DDX4: variants seen among roughly 807,000 people sequenced by gnomAD.
The protein encoded by DDX4 is probable ATP-dependent RNA helicase DDX4.
A neutral mutation model predicts 100.0 loss-of-function variants in DDX4; 25 were observed. That is an observed-to-expected ratio of 0.25 (90% confidence interval 0.18 to 0.35). DDX4 has a LOEUF of 0.35. Ranked by LOEUF, DDX4 falls within the 10% of genes least tolerant of loss-of-function variation. The pLI is 1.00. For synonymous variants in DDX4, 259 were observed against 275.7 expected (o/e 0.94, Z 0.60); for missense variants, 635 against 882.4 (o/e 0.72, Z 3.55).
intron 18 of DDX4, among the ~76,000 whole-genome samples, chr5:55,810,603 C>G (rs1744067642): frequency 6.6e-6 from 1 of 152,092 alleles, no homozygotes; most frequent in Admixed American, 6.5e-5. Flanking sequence ...TCTCTTTAAT[C>G]TTGGAAAAGT....
At chr5:55,808,552 G>T (rs564568817) in intron 18 of DDX4, among the ~76,000 whole-genome samples, 14 of 152,242 alleles carry the variant, frequency 9.2e-5, no homozygotes, top group Non-Finnish European at 1.9e-4. Flanking sequence ...ACCCTCAGCT[G>T]CAGGTCTGTT....
At chr5:55,761,026 G>T (rs531890665) in intron 4 of DDX4, among the ~76,000 whole-genome samples, 3 of 152,242 alleles carry the variant, frequency 2.0e-5, no homozygotes, top group African/African-American at 7.2e-5. Flanking sequence ...GAGACTTGCA[G>T]ATATTTTTGC....
chr5:55,771,770 A>AT (rs1406718835), intron 7 of DDX4, among the ~76,000 whole-genome samples: 1 of 151,880 alleles, frequency 6.6e-6, no homozygotes, highest in Non-Finnish European at 1.5e-5. Context: ...TTAAATTTCT[A>AT]TTTTTTTGGA....
intron 9 of DDX4, 108 bp downstream of exon 9, chr5:55,781,254 T>C: frequency 1.3e-6 from 1 of 798,500 alleles, no homozygotes; most frequent in Non-Finnish European, 1.9e-6. Flanking sequence ...GGCTTATGAT[T>C]TTCTCTGCTT....
intron 2 of DDX4, among the ~76,000 whole-genome samples, chr5:55,742,777 T>C (rs184748051): frequency 6.6e-6 from 1 of 152,284 alleles, no homozygotes; most frequent in Admixed American, 6.5e-5. Flanking sequence ...ATAAGGTGCT[T>C]GCTGTTACAT....
chr5:55,783,633 A>AGATGGATGGATGGATGGATGGATG (rs59794903), intron 10 of DDX4, among the ~76,000 whole-genome samples: 1 of 146,638 alleles, frequency 6.8e-6, no homozygotes, highest in African/African-American at 2.5e-5. Flanking sequence ...AGGAGGGAGG[A>AGATGGATGGATGGATGGATGGATG]GATGGATGGA....
chr5:55,753,672 T>C, intron 3 of DDX4, among the ~76,000 whole-genome samples: 1 of 144,762 alleles, frequency 6.9e-6, no homozygotes, highest in South Asian at 2.4e-4. Context: ...TTTGGTTCCA[T>C]ATGAACTTTA....
intron 7 of DDX4, among the ~76,000 whole-genome samples, chr5:55,772,052 G>T (rs932054390): frequency 6.6e-6 from 1 of 152,006 alleles, no homozygotes; most frequent in East Asian, 1.9e-4. Context: ...AACCCCGTCT[G>T]TACTAAAAAT....
intron 3 of DDX4, among the ~76,000 whole-genome samples, chr5:55,747,302 C>T (rs1185393382): frequency 1.3e-5 from 2 of 152,168 alleles, no homozygotes; most frequent in African/African-American, 2.4e-5. Flanking sequence ...CGCTTGAACC[C>T]GGGAGGTGGA....
At chr5:55,795,211 C>T (rs1020925540) in intron 17 of DDX4, among the ~76,000 whole-genome samples, 2 of 152,134 alleles carry the variant, frequency 1.3e-5, no homozygotes, top group Non-Finnish European at 2.9e-5. Context: ...CTGATCCGTC[C>T]GCCTCAGCCT....
At chr5:55,743,705 C>G (rs1759104517) in intron 2 of DDX4, among the ~76,000 whole-genome samples, 2 of 152,208 alleles carry the variant, frequency 1.3e-5, no homozygotes, top group Non-Finnish European at 2.9e-5. Flanking sequence ...TCTGGAATTA[C>G]AGGCGTGAGC....
At chr5:55,799,351 C>G (rs1484708972) in intron 18 of DDX4, among the ~76,000 whole-genome samples, 1 of 152,098 alleles carries the variant, frequency 6.6e-6, no homozygotes, top group African/African-American at 2.4e-5. Context: ...CCATGAGCCA[C>G]TGTACTCACC....
chr5:55,748,374 G>A (rs141839382), intron 3 of DDX4, among the ~76,000 whole-genome samples: 1,677 of 152,210 alleles, frequency 0.011, 11 homozygotes, highest in Non-Finnish European at 0.016. Context: ...GTTTTTTGAG[G>A]TATGAACAGA....
Position 55,793,733 on chromosome 5 carries a change from GA to G in DDX4, c.1469+928del, listed in dbSNP as rs1422439846. 3.9e-5 allele frequency among the ~76,000 whole-genome samples: 6 copies of G among 152,184 alleles called. No homozygotes were observed. In the East Asian group the frequency reaches 9.6e-4, roughly 24 times the overall value. Reference sequence around the variant, plus strand: ...ACCATATATGGATATTTGATTTGAGGAATTACCGTGTCATGTTGGATAATGC... The same window carrying G: ...ACCATATATGGATATTTGATTTGAGGATTACCGTGTCATGTTGGATAATGC... On this transcript the variant is annotated intron_variant, in intron 17 of 21. Coordinates refer to ENST00000505374, the MANE Select transcript of DDX4 (RefSeq NM_024415.3).
rs760381348 is a variant in DDX4, at chr5:55,738,987, A to G, written c.24A>G (p.Ala8=). The change falls in exon 2 of 22, where the codon GCA becomes GCG. Residue 8 remains alanine (A), a synonymous_variant. Transcript: ENST00000505374. ...CCATGGGAGATGAAGATTGGGAAGCAGAAATCAACCCTCATATGTCTTCCT... is the reference window on the plus strand; with the variant it reads ...CCATGGGAGATGAAGATTGGGAAGCGGAAATCAACCCTCATATGTCTTCCT... MGDEDWE[A]EINPHMSSYV... 2 of 1,608,270 alleles carry G rather than the reference A, an allele frequency of 1.2e-6. No individual in the cohort carries two copies. Among genetic ancestry groups the G allele is most frequent in the Admixed American group, 3.3e-5 (2 of 59,918 alleles).
At chr5:55,760,338 T>C in intron 4 of DDX4, 61 bp downstream of exon 4, 3 of 1,467,532 alleles carry the variant, frequency 2.0e-6, no homozygotes, top group South Asian at 3.0e-5. Flanking sequence ...ATATAGAGGC[T>C]TTCATGGCCA....
chr5:55,816,486 T>C lies in DDX4; in HGVS notation c.2121T>C (p.Ala707=). 6.2e-7 allele frequency: 1 copy of C among 1,612,318 alleles called. No individual in the cohort carries two copies. Among genetic ancestry groups the C allele is most frequent in the South Asian group, 1.1e-5 (1 of 90,766 alleles). ...AGGGCAAGAGCACTTTGAACACAGC[T>C]GGGTTTTCTTCTTCACAAGCTCCCA... ...TRKGKSTLNT[A]GFSSSQAPNP... The change falls in exon 22 of 22, where the codon GCT becomes GCC. Residue 707 remains alanine, a synonymous_variant. Transcript: ENST00000505374.
intron 1 of DDX4, among the ~76,000 whole-genome samples, chr5:55,738,519 G>T (rs1427630929): frequency 6.7e-6 from 1 of 149,374 alleles, no homozygotes; most frequent in African/African-American, 2.5e-5. Context: ...CCCCACGCAC[G>T]CCACAAACAC....
At chr5:55,749,713 CAT>C (rs1759437045) in intron 3 of DDX4, among the ~76,000 whole-genome samples, 1 of 151,850 alleles carries the variant, frequency 6.6e-6, no homozygotes, top group Non-Finnish European at 1.5e-5. Context: ...CTTTATTACT[CAT>C]GTTTGATTTG....
Sources: gnomAD v4.1 joint callset for allele counts (sites outside exome capture counted in the v4.1 genomes callset) on GRCh38, gnomAD v4.1.1 for gene constraint, MANE v1.5 for transcripts, NCBI Gene and HGNC (gene_info 2026-07-23, HGNC 2026-07-21) for gene names.